HERC5: variants seen among roughly 807,000 people sequenced by gnomAD.
HERC5 encodes HECT and RLD domain containing E3 ubiquitin protein ligase 5.
HERC5 carries 99 observed loss-of-function variants against 119.6 expected under a neutral mutation model. The ratio of observed to expected loss-of-function variants is 0.83; its 90% CI spans 0.70 to 0.98. The LOEUF (loss-of-function observed/expected upper bound fraction) is 0.98, where lower values mean the gene tolerates loss of function less well. Ranked by LOEUF, HERC5 falls within the 50% of genes least tolerant of loss-of-function variation. The pLI, the probability that HERC5 is intolerant of heterozygous loss-of-function variation, is 0.00. For missense variants in HERC5, 1,267 were observed against 1,241.3 expected (o/e 1.02, Z -0.31); for synonymous variants, 478 against 445.9 (o/e 1.07, Z -0.91).
In HERC5 at chr4:88,494,305, G is replaced by A; in HGVS notation, c.2418G>A (p.Leu806=). Residue 806 remains leucine (L), a synonymous_variant, in exon 18 of 23, where the codon TTG becomes TTA. Coordinates refer to ENST00000264350, the MANE Select transcript of HERC5 (RefSeq NM_016323.4). Reference sequence around the variant, plus strand: ...ACCAAATGCCATCATTGGAAGACTTGAAAGAACTCAGTCCTGATTTGGGAA... The same window carrying A: ...ACCAAATGCCATCATTGGAAGACTTAAAAGAACTCAGTCCTGATTTGGGAA... ...LLDQMPSLED[L]KELSPDLGKN... is the part of the protein sequence containing the mutation. 4.3e-6 allele frequency: 7 copies of A among 1,613,240 alleles called. No individual in the cohort carries two copies. Among genetic ancestry groups the A allele is most frequent in the Non-Finnish European group, 5.9e-6 (7 of 1,179,744 alleles).
At position 88,505,983 on chromosome 4, in the gene HERC5, G is replaced by A. The variant is rs566886159; in HGVS notation, c.*105G>A. The stretch of plus-strand genomic sequence containing the variant: ...TTTTGTTTTAGGCTTTTAGCAGCCT[G>A]AAGCCATGGTTTTTCATTTCTGTCT... On this transcript the variant is annotated 3_prime_UTR_variant, in exon 23 of 23. Coordinates refer to ENST00000264350, the MANE Select transcript of HERC5 (RefSeq NM_016323.4). 2.3e-6 allele frequency: 2 copies of A among 857,786 alleles called. No homozygotes were observed. Among genetic ancestry groups the A allele is most frequent in the South Asian group, 1.8e-5 (1 of 55,900 alleles). The allele number at this position is 857,786 out of a possible 1,614,324, so 53.1% of individuals were successfully genotyped here.
Position 88,461,586 on chromosome 4 carries a change from C to T in HERC5, c.467-549C>T, listed in dbSNP as rs143343865. ...TAGACTCTATTAGATATTGTCAGCT[C>T]TATCAGATAACATCTAAGAACGCTC... On this transcript the variant is annotated intron_variant, in intron 3 of 22. Transcript: ENST00000264350. Among the ~76,000 whole-genome samples the T allele has an allele frequency of 3.1e-3, 474 of 152,222 alleles. 4 individuals carry two copies. The highest frequency in any genetic ancestry group is 0.018 in the South Asian group (85 of 4,824).
rs773388047 is a variant in HERC5, at chr4:88,462,273, A to G, written c.605A>G (p.His202Arg). 7.4e-6 allele frequency: 12 copies of G among 1,614,200 alleles called. No homozygotes were observed. In the South Asian group the frequency reaches 1.1e-4, roughly 15 times the overall value. The stretch of plus-strand genomic sequence containing the variant: ...GCTCAGATTTCTGCCGGAGAAGCCC[A>G]CAGCATGGCCTTATCCATGTCTGGC... ...PLAQISAGEA[H>R]SMALSMSGNI... Residue 202 changes from histidine to arginine, a missense_variant, in exon 4 of 23, where the codon CAC becomes CGC. By Grantham distance (29) the His-to-Arg change is conservative. This residue lies in a region of HERC5 where 777 missense variants were observed against 758.0 expected (regional missense o/e 1.03). Transcript: ENST00000264350.
chr4:88,483,677 T>C (rs1041622765), intron 13 of HERC5, among the ~76,000 whole-genome samples: 1 of 151,944 alleles, frequency 6.6e-6, no homozygotes, highest in Admixed American at 6.6e-5. Context: ...TATAGGCACA[T>C]GCCACCCCAC....
chr4:88,496,930 C>T (rs1050351201), intron 18 of HERC5, among the ~76,000 whole-genome samples: 1 of 152,212 alleles, frequency 6.6e-6, no homozygotes, highest in Non-Finnish European at 1.5e-5. Context: ...AATTCATTCC[C>T]CTATGAAAGA....
rs758516147 is a variant in HERC5, at chr4:88,468,326, C to G, written c.1058-20C>G. The G allele has an allele frequency of 6.4e-6, 10 of 1,571,120 alleles. No homozygotes were observed. The highest frequency in any genetic ancestry group is 7.8e-6 in the Non-Finnish European group (9 of 1,147,690). The stretch of plus-strand genomic sequence containing the variant: ...GCCAAATGACTTTCTAAAACTCTTA[C>G]TCTTTGTGCATCCTTTCAGAAAGCC... On this transcript the variant is annotated intron_variant, in intron 7 of 22. Transcript: ENST00000264350.
At position 88,501,246 on chromosome 4, in the gene HERC5, A is replaced by T. The variant is rs181371686; in HGVS notation, c.2582+261A>T. Among the ~76,000 whole-genome samples the T allele has an allele frequency of 1.1e-4, 16 of 152,274 alleles. No homozygotes were observed. In the East Asian group the frequency reaches 3.1e-3, roughly 29 times the overall value. ...ACAACACCAACATCTGTCCCTCTTT[A>T]TCCACTCGTTCTGCTTTTTCTTTTC... On this transcript the variant is annotated intron_variant, in intron 20 of 22. Transcript: ENST00000264350.
chr4:88,494,039 C>T (rs1173630804), intron 17 of HERC5, 126 bp from the exon 18 acceptor site: 2 of 551,832 alleles, frequency 3.6e-6, no homozygotes, highest in Admixed American at 4.1e-5. Context: ...ATTCTTATCT[C>T]AGGCTTTAAA....
rs749181028 is a variant in HERC5 at position 88,505,905 on chromosome 4, TTTG to T, written c.*36_*38del. 42 of 1,535,256 alleles carry T rather than the reference TTTG, an allele frequency of 2.7e-5. No homozygotes were observed. The highest frequency in any genetic ancestry group is 3.6e-5 in the Non-Finnish European group (40 of 1,121,532). On this transcript the variant is annotated 3_prime_UTR_variant, in exon 23 of 23. Transcript: ENST00000264350. ...CAGCTTGCTTGTCCAACAGCCTTAT[TTTG>T]TTGTTGTTATCGTTGTTGTTGTTGT...
intron 10 of HERC5, 66 bp from the exon 11 acceptor site, chr4:88,472,343 T>G: frequency 1.1e-6 from 1 of 890,686 alleles, no homozygotes; most frequent in Non-Finnish European, 1.8e-6. Flanking sequence ...TGGGGCAAGC[T>G]CTAGAAGAAA....
intron 10 of HERC5, among the ~76,000 whole-genome samples, chr4:88,471,467 C>T (rs938704585): frequency 2.6e-5 from 4 of 151,968 alleles, no homozygotes; most frequent in African/African-American, 4.8e-5. Context: ...TAGCCTTCCA[C>T]GTAGCTGGGA....
Position 88,493,163 on chromosome 4 carries a change from C to A in HERC5, c.2277+8C>A. On this transcript the variant is annotated splice_region_variant and intron_variant, in intron 17 of 22. Coordinates refer to ENST00000264350, the MANE Select transcript of HERC5 (RefSeq NM_016323.4). ...ATGTGGTTTCCTGTCAAGGTAAGTTCCCTCTTCTTTGCTTAAGGTATTTTG... is the reference window on the plus strand; with the variant it reads ...ATGTGGTTTCCTGTCAAGGTAAGTTACCTCTTCTTTGCTTAAGGTATTTTG... 1 of 1,613,012 alleles carries A rather than the reference C, an allele frequency of 6.2e-7. No homozygotes were observed. The highest frequency in any genetic ancestry group is 8.5e-7 in the Non-Finnish European group (1 of 1,179,484).
Position 88,467,121 on chromosome 4 carries a change from A to G in HERC5, c.974A>G (p.Asp325Gly), listed in dbSNP as rs1204510634. ...GKVFSFGSGK[D>G]GQLGNGGTRD... ...GTCTTTTCCTTTGGTTCTGGAAAAG[A>G]TGGACAACTGGGAAATGGTGGAACA... The change falls in exon 7 of 23, where the codon GAT becomes GGT. Residue 325 changes from aspartate (D) to glycine (G), a missense_variant. Transcript: ENST00000264350. The G allele has an allele frequency of 1.9e-6, 3 of 1,614,170 alleles. No homozygotes were observed. Among genetic ancestry groups the G allele is most frequent in the Non-Finnish European group, 2.5e-6 (3 of 1,180,010 alleles).
At chr4:88,483,953 T>C (rs566289537) in intron 13 of HERC5, among the ~76,000 whole-genome samples, 3 of 152,298 alleles carry the variant, frequency 2.0e-5, no homozygotes, top group South Asian at 2.1e-4. Context: ...GTTATTGACA[T>C]GTTAGACTTT....
In HERC5 at chr4:88,505,826, C is replaced by T. The variant is rs1156580578; in HGVS notation, c.3023C>T (p.Thr1008Ile). The part of the protein sequence containing the change: ...LFLPKYSTME[T>I]VEEALQEAIN... ...CTCCCTAAATATTCTACAATGGAAACAGTTGAAGAAGCGCTTCAAGAAGCC... is the reference window on the plus strand; with the variant it reads ...CTCCCTAAATATTCTACAATGGAAATAGTTGAAGAAGCGCTTCAAGAAGCC... The change falls in exon 23 of 23, where the codon ACA (threonine) becomes ATA (isoleucine). Residue 1008 changes from threonine (T) to isoleucine (I), a missense_variant. Physicochemically the swap from Thr to Ile is moderately conservative, Grantham distance 89. Transcript: ENST00000264350. 6.2e-7 allele frequency: 1 copy of T among 1,613,686 alleles called. No individual in the cohort carries two copies. Among genetic ancestry groups the T allele is most frequent in the East Asian group, 2.2e-5 (1 of 44,876 alleles).
chr4:88,469,393 T>A, intron 9 of HERC5, 133 bp downstream of exon 9: 1 of 684,978 alleles, frequency 1.5e-6, no homozygotes, highest in Non-Finnish European at 2.6e-6. Context: ...TATGTGTGTA[T>A]TTCTGTCTCT....
At position 88,493,168 on chromosome 4, in the gene HERC5, T is replaced by C; in HGVS notation, c.2277+13T>C. The C allele has an allele frequency of 6.3e-7, 1 of 1,589,812 alleles. No individual in the cohort carries two copies. ...GTTTCCTGTCAAGGTAAGTTCCCTC[T>C]TCTTTGCTTAAGGTATTTTGCGACA... On this transcript the variant is annotated intron_variant, in intron 17 of 22. Transcript: ENST00000264350.
chr4:88,461,958 A>T (rs1451933885), intron 3 of HERC5, among the ~76,000 whole-genome samples, 177 bp from the exon 4 acceptor site: 1 of 152,200 alleles, frequency 6.6e-6, no homozygotes, highest in East Asian at 1.9e-4. Flanking sequence ...TGTAACTGTC[A>T]CTGCTAAAGA....
At chr4:88,497,379 A>G (rs965955088) in intron 18 of HERC5, among the ~76,000 whole-genome samples, 17 of 152,308 alleles carry the variant, frequency 1.1e-4, no homozygotes, top group Non-Finnish European at 2.4e-4. Context: ...AACGTAGACA[A>G]TAAAGGCAAT....
Sources: gnomAD v4.1 joint callset for allele counts (sites outside exome capture counted in the v4.1 genomes callset) on GRCh38, gnomAD v4.1.1 for gene constraint, gnomAD v4.1.1 regional missense constraint, MANE v1.5 for transcripts, NCBI Gene and HGNC (gene_info 2026-07-23, HGNC 2026-07-21) for gene names.